PKHD1L1: variants seen among roughly 807,000 people sequenced by gnomAD.
PKHD1L1 encodes fibrocystin-L.
PKHD1L1 carries 434 observed loss-of-function variants against 462.9 expected under a neutral mutation model. That is an observed-to-expected ratio of 0.94 (90% CI 0.87 to 1.02). The LOEUF is 1.02. PKHD1L1 is among the 50% of genes least tolerant of loss of function. PKHD1L1 has a pLI of 0.00. For missense variants in PKHD1L1, 5,202 were observed against 5,096.1 expected, an observed-to-expected ratio of 1.02 and a Z score of -0.63; for synonymous variants, 1,781 against 1,750.0, an observed-to-expected ratio of 1.02 and a Z score of -0.44.
chr8:109,436,880 A>G (rs1815446712), intron 30 of PKHD1L1, among the ~76,000 whole-genome samples: 1 of 152,218 alleles, frequency 6.6e-6, no homozygotes, highest in African/African-American at 2.4e-5. Context: ...TAAAGATTTC[A>G]GGAAAGTAAA....
intron 14 of PKHD1L1, among the ~76,000 whole-genome samples, chr8:109,403,283 T>A (rs778059242): frequency 4.6e-5 from 7 of 152,194 alleles, no homozygotes; most frequent in Non-Finnish European, 8.8e-5. Flanking sequence ...TATTGCTAAA[T>A]CATTTTACTC....
At position 109,438,364 on chromosome 8, in the gene PKHD1L1, G is replaced by T. The variant is rs117037399; in HGVS notation, c.3668G>T (p.Gly1223Val). Residue 1223 changes from glycine to valine, a missense_variant, in exon 31 of 78, where the codon GGA (glycine) becomes GTA (valine). This residue lies in a region of PKHD1L1 where 4,497 missense variants were observed against 4,336.8 expected (regional missense o/e 1.04). Coordinates refer to ENST00000378402, the MANE Select transcript of PKHD1L1 (RefSeq NM_177531.6). ...GTTGATATTTCAGTTACTACCAATG[G>T]ATTTCAAGCCACAGCAAGGGATGCT... Reference protein sequence around the residue: ...GTVDISVTTNGFQATARDAFS... With the variant: ...GTVDISVTTNVFQATARDAFS... 0.02 allele frequency: 30,801 copies of T among 1,538,626 alleles called. 375 individuals carry two copies. Among genetic ancestry groups the T allele is most frequent in the Non-Finnish European group, 0.023 (25,962 of 1,137,190 alleles).
intron 11 of PKHD1L1, among the ~76,000 whole-genome samples, chr8:109,396,838 T>C (rs2130516003): frequency 6.6e-6 from 1 of 152,356 alleles, no homozygotes; most frequent in African/African-American, 2.4e-5. Flanking sequence ...GGCATATGCA[T>C]TTCCACAGTC....
intron 2 of PKHD1L1, among the ~76,000 whole-genome samples, chr8:109,376,995 G>T (rs922102567): frequency 9.2e-5 from 14 of 152,194 alleles, no homozygotes; most frequent in Admixed American, 4.6e-4. Context: ...ATGAACATCA[G>T]GCACAATGAA....
At chr8:109,510,244 A>G (rs985996593) in intron 70 of PKHD1L1, among the ~76,000 whole-genome samples, 3 of 152,206 alleles carry the variant, frequency 2.0e-5, no homozygotes. Context: ...GTGAAAGAAC[A>G]AATTAATGAA....
Position 109,409,917 on chromosome 8 carries a change from C to T in PKHD1L1, c.2024C>T (p.Ala675Val). 1 of 1,607,126 alleles carries T rather than the reference C, an allele frequency of 6.2e-7. No homozygotes were observed. Among genetic ancestry groups the T allele is most frequent in the Non-Finnish European group, 8.5e-7 (1 of 1,177,350 alleles). ...AGCACTAAGTGTCCACCACAAATTG[C>T]AAATTTTGAAGAAGGATTTGTTGTG... ...MVSTKCPPQI[A>V]NFEEGFVVKY... The change falls in exon 19 of 78, where the codon GCA becomes GTA. Residue 675 changes from alanine (A) to valine (V), a missense_variant. Ala to Val is a moderately conservative substitution (Grantham distance 64). Coordinates refer to ENST00000378402, the MANE Select transcript of PKHD1L1 (RefSeq NM_177531.6).
At chr8:109,367,461 C>A (rs1336077936) in intron 2 of PKHD1L1, among the ~76,000 whole-genome samples, 1 of 152,196 alleles carries the variant, frequency 6.6e-6, no homozygotes, top group African/African-American at 2.4e-5. Flanking sequence ...AAAGTGAGTT[C>A]TCTGAAATTC....
Position 109,465,181 on chromosome 8 carries a change from G to C in PKHD1L1, c.8349G>C (p.Pro2783=). ...TTGACGTCCAGTATTCTCACACACC[G>C]AACAAGGCTGGCTTTCGCTGGGAAC... ...KFVDVQYSHT[P]NKAGFRWEHE... is the part of the protein sequence containing the mutation. The change falls in exon 49 of 78, where the codon CCG becomes CCC. Residue 2783 remains proline, a synonymous_variant. Transcript: ENST00000378402. 5 of 1,613,712 alleles carry C rather than the reference G, an allele frequency of 3.1e-6. No homozygotes were observed. The highest frequency in any genetic ancestry group is 1.7e-4 in the Middle Eastern group (1 of 6,054).
At chr8:109,524,063 A>G (rs1218779919) in intron 76 of PKHD1L1, among the ~76,000 whole-genome samples, 1 of 152,180 alleles carries the variant, frequency 6.6e-6, no homozygotes, top group African/African-American at 2.4e-5. Context: ...AAACCATTCT[A>G]CCAGGGTCCA....
intron 21 of PKHD1L1, among the ~76,000 whole-genome samples, chr8:109,417,578 C>G (rs1814245954): frequency 6.6e-6 from 1 of 152,176 alleles, no homozygotes; most frequent in African/African-American, 2.4e-5. Flanking sequence ...GAGTCTCACT[C>G]TGTTGCCAAG....
chr8:109,453,484 T>C (rs534115030), intron 43 of PKHD1L1, among the ~76,000 whole-genome samples: 4 of 152,256 alleles, frequency 2.6e-5, no homozygotes, highest in South Asian at 2.1e-4. Flanking sequence ...TTGGTAAGAG[T>C]AGACTGCTTG....
At chr8:109,457,898 T>A (rs952717710) in intron 46 of PKHD1L1, among the ~76,000 whole-genome samples, 3 of 152,130 alleles carry the variant, frequency 2.0e-5, no homozygotes, top group Non-Finnish European at 1.5e-5. Context: ...ATACCGCCTG[T>A]GAGATCTTGT....
In PKHD1L1 at chr8:109,436,454, C is replaced by T. The variant is rs956452534; in HGVS notation, c.3622C>T (p.Pro1208Ser). The T allele has an allele frequency of 6.2e-7, 1 of 1,611,438 alleles. No individual in the cohort carries two copies. The highest frequency in any genetic ancestry group is 1.1e-5 in the South Asian group (1 of 90,456). ...GDLNRITCRT[P>S]KKTEGTVDIS... Reference sequence around the variant, plus strand: ...TTTGAATAGGATAACCTGCAGGACACCAAAAGTAAGGCCTCTGATTTCAGT... The same window carrying T: ...TTTGAATAGGATAACCTGCAGGACATCAAAAGTAAGGCCTCTGATTTCAGT... The change falls in exon 30 of 78, where the codon CCA becomes TCA. Residue 1208 changes from proline (P) to serine (S), a missense_variant. This residue lies in a region of PKHD1L1 where 4,497 missense variants were observed against 4,336.8 expected (regional missense o/e 1.04). Transcript: ENST00000378402.
Position 109,390,483 on chromosome 8 carries a change from T to A in PKHD1L1, c.729T>A (p.Asn243Lys). Residue 243 changes from asparagine (N) to lysine (K), a missense_variant, in exon 9 of 78, where the codon AAT (asparagine) becomes AAA (lysine). This residue lies in a region of PKHD1L1 where 4,497 missense variants were observed against 4,336.8 expected (regional missense o/e 1.04). Transcript: ENST00000378402. ...ACAATGTCAGCTTCATCTTAGATAA[T>A]GATTATGGAAGGTAGGCTATTTTGT... ...GHHNVSFILD[N>K]DYGRSFPQKM... The A allele has an allele frequency of 6.9e-7, 1 of 1,450,956 alleles. No individual in the cohort carries two copies. The highest frequency in any genetic ancestry group is 9.3e-7 in the Non-Finnish European group (1 of 1,077,622). 89.9% of individuals were successfully genotyped at this position (1,450,956 alleles called of 1,614,324 possible).
At chr8:109,381,252 C>A in intron 2 of PKHD1L1, 118 bp from the exon 3 acceptor site, 1 of 867,532 alleles carries the variant, frequency 1.2e-6, no homozygotes. Flanking sequence ...GAAATAGGTT[C>A]ACTGCTTCAG....
rs1174334578 is a variant in PKHD1L1, at chr8:109,398,444, C to G, written c.923-15C>G. ...AGTTTCAGTAGTAACGGTTTTGTAT[C>G]TTGCTTCTCTATAGGTGAACCTTGT... is the stretch of plus-strand genomic sequence containing the variant. On this transcript the variant is annotated splice_polypyrimidine_tract_variant and intron_variant, in intron 11 of 77. Coordinates refer to ENST00000378402, the MANE Select transcript of PKHD1L1 (RefSeq NM_177531.6). The G allele has an allele frequency of 3.4e-6, 5 of 1,466,436 alleles. No individual in the cohort carries two copies. The highest frequency in any genetic ancestry group is 1.4e-5 in the African/African-American group (1 of 71,584). The allele number at this position is 1,466,436 out of a possible 1,614,324, so 90.8% of individuals were successfully genotyped here.
At chr8:109,488,581 CTTGAT>C (rs1818671116) in intron 59 of PKHD1L1, among the ~76,000 whole-genome samples, 1 of 151,998 alleles carries the variant, frequency 6.6e-6, no homozygotes, top group Non-Finnish European at 1.5e-5. Context: ...ACCATCCATT[CTTGAT>C]TTGAACTGTT....
Position 109,535,270 on chromosome 8 carries a change from T to C in PKHD1L1, c.*5180T>C, listed in dbSNP as rs1821122317. Among the ~76,000 whole-genome samples the C allele has an allele frequency of 6.6e-6, 1 of 152,196 alleles. No homozygotes were observed. Among genetic ancestry groups the C allele is most frequent in the Non-Finnish European group, 1.5e-5 (1 of 68,028 alleles). The stretch of plus-strand genomic sequence containing the variant: ...GCCTGGCTACATGGCAATAGTATTT[T>C]CCTTTGGTTTTTCATTACAGTAACT... On this transcript the variant is annotated 3_prime_UTR_variant, in exon 78 of 78. Coordinates refer to ENST00000378402, the MANE Select transcript of PKHD1L1 (RefSeq NM_177531.6).
At chr8:109,437,652 A>T (rs1301079683) in intron 30 of PKHD1L1, among the ~76,000 whole-genome samples, 1 of 152,018 alleles carries the variant, frequency 6.6e-6, no homozygotes, top group Non-Finnish European at 1.5e-5. Context: ...AAATGGGGGT[A>T]TTATGTATTT....
Sources: allele counts gnomAD v4.1 joint callset (sites outside exome capture counted in the v4.1 genomes callset), GRCh38; gene constraint gnomAD v4.1.1; regional missense constraint gnomAD v4.1.1; transcripts MANE v1.5; gene names NCBI Gene and HGNC (gene_info 2026-07-23, HGNC 2026-07-21).